Variants in PAG1 observed in about 807,000 individuals in gnomAD.
The protein encoded by PAG1 is phosphoprotein membrane anchor with glycosphingolipid microdomains 1, also known as phosphoprotein associated with glycosphingolipid-enriched microdomains 1.
In PAG1, 23 loss-of-function variants were observed where a neutral mutation model predicts 31.7. The observed-to-expected ratio is 0.73, with a 90% CI of 0.52 to 1.03. PAG1 has a LOEUF of 1.03. PAG1 is among the 50% of genes least tolerant of loss of function. The pLI is 0.00. For missense variants in PAG1, 473 were observed against 540.7 expected (o/e 0.87, Z 1.24); for synonymous variants, 214 against 210.3 (o/e 1.02, Z -0.15).
At chr8:81,080,839 T>C (rs946672934) in intron 1 of PAG1, among the ~76,000 whole-genome samples, 5 of 152,116 alleles carry the variant, frequency 3.3e-5, no homozygotes, top group African/African-American at 1.2e-4. Flanking sequence ...GGGAGTAGGA[T>C]GGGATTTTGA....
chr8:81,041,027 G>A (rs1398144799), intron 2 of PAG1, among the ~76,000 whole-genome samples: 1 of 152,188 alleles, frequency 6.6e-6, no homozygotes, highest in Non-Finnish European at 1.5e-5. Flanking sequence ...ATCTTTGCAT[G>A]GAAAACTGAA....
intron 2 of PAG1, among the ~76,000 whole-genome samples, chr8:81,058,107 T>C (rs1808857460): frequency 6.6e-6 from 1 of 152,144 alleles, no homozygotes; most frequent in African/African-American, 2.4e-5. Flanking sequence ...TTGGTGCATA[T>C]ATAGGAATTG....
intron 2 of PAG1, among the ~76,000 whole-genome samples, chr8:81,033,623 G>T (rs983764427): frequency 1.3e-5 from 2 of 152,156 alleles, no homozygotes; most frequent in Admixed American, 1.3e-4. Flanking sequence ...GTTACATCTG[G>T]CTCTCTGACA....
chr8:80,999,896 G>C (rs181282528), intron 3 of PAG1, among the ~76,000 whole-genome samples: 51 of 152,312 alleles, frequency 3.3e-4, no homozygotes, highest in African/African-American at 1.2e-3. Flanking sequence ...TGAAGAGAGA[G>C]AGACAGAGAG....
intron 1 of PAG1, among the ~76,000 whole-genome samples, chr8:81,104,185 T>C (rs1203031507): frequency 6.6e-6 from 1 of 151,688 alleles, no homozygotes; most frequent in Admixed American, 6.6e-5. Context: ...TGGAAGCAAG[T>C]TAACAGTCAG....
intron 3 of PAG1, among the ~76,000 whole-genome samples, chr8:81,012,641 T>C (rs1182161107): frequency 2.0e-5 from 3 of 152,258 alleles, no homozygotes; most frequent in Non-Finnish European, 4.4e-5. Context: ...TTATGATTTA[T>C]AATTTATAAT....
chr8:81,103,814 T>C (rs902955340), intron 1 of PAG1, among the ~76,000 whole-genome samples: 3 of 152,114 alleles, frequency 2.0e-5, no homozygotes, highest in African/African-American at 7.2e-5. Context: ...TCTCTTTCAG[T>C]GTGTTTATTT....
intron 2 of PAG1, among the ~76,000 whole-genome samples, chr8:81,055,884 A>T (rs1808814368): frequency 6.6e-6 from 1 of 152,210 alleles, no homozygotes; most frequent in African/African-American, 2.4e-5. Flanking sequence ...TTCTAGATAT[A>T]CAATCATGTC....
At chr8:81,038,595 A>G (rs1027493820) in intron 2 of PAG1, among the ~76,000 whole-genome samples, 13 of 152,172 alleles carry the variant, frequency 8.5e-5, no homozygotes, top group African/African-American at 3.1e-4. Context: ...CATATGGGAT[A>G]AAGTAGTTTG....
In PAG1 at chr8:80,974,333, C is replaced by CCAT. The variant is rs1033566028; in HGVS notation, c.*2208_*2210dup. 6.6e-6 allele frequency: 1 copy of CCAT among 151,996 alleles called. No individual in the cohort carries two copies. The highest frequency in any genetic ancestry group is 2.4e-5 in the African/African-American group (1 of 41,366). The allele number at this position is 151,996 out of a possible 1,614,324, so 9.4% of individuals were successfully genotyped here. A position where few individuals can be genotyped will look rare whatever the true frequency, so the allele number is the denominator to read the frequency against. On this transcript the variant is annotated 3_prime_UTR_variant, in exon 9 of 9. Transcript: ENST00000220597. ...GGCTGTTACCATGTACTAAAGAACC[C>CCAT]CATCATGTGAGAGATCGCTCAAAGT... is the stretch of plus-strand genomic sequence containing the variant.
intron 7 of PAG1, among the ~76,000 whole-genome samples, chr8:80,984,424 G>A (rs1318143274): frequency 6.6e-6 from 1 of 152,150 alleles, no homozygotes; most frequent in African/African-American, 2.4e-5. Context: ...CCATGCTGCT[G>A]AGGCAGCCAA....
chr8:81,008,260 T>C (rs900140039), intron 3 of PAG1, among the ~76,000 whole-genome samples: 1 of 152,188 alleles, frequency 6.6e-6, no homozygotes, highest in African/African-American at 2.4e-5. Flanking sequence ...TTCAAAATTC[T>C]ACTTCATTAT....
At chr8:81,041,558 T>C (rs1208398335) in intron 2 of PAG1, among the ~76,000 whole-genome samples, 2 of 152,220 alleles carry the variant, frequency 1.3e-5, no homozygotes, top group Non-Finnish European at 2.9e-5. Flanking sequence ...TTGATGACTT[T>C]GCGGAGGAAA....
chr8:81,084,361 A>G (rs1207348331), intron 1 of PAG1, among the ~76,000 whole-genome samples: 2 of 151,736 alleles, frequency 1.3e-5, no homozygotes, highest in African/African-American at 2.4e-5. Flanking sequence ...GCTGCATCCA[A>G]TAGTAGCAAA....
Position 80,976,913 on chromosome 8 carries a change from G to A in PAG1, c.937-7C>T. On this transcript the variant is annotated splice_region_variant and splice_polypyrimidine_tract_variant and intron_variant, in intron 8 of 8. Coordinates refer to ENST00000220597, the MANE Select transcript of PAG1 (RefSeq NM_018440.4). Reference sequence around the variant, plus strand: ...ATGAGTACATAGCTGAGATCTAGGAGACAAAGGGAGAGTTGAATAAACTTC... The same window carrying A: ...ATGAGTACATAGCTGAGATCTAGGAAACAAAGGGAGAGTTGAATAAACTTC... The A allele has an allele frequency of 1.3e-6, 2 of 1,586,234 alleles. No individual in the cohort carries two copies. Among genetic ancestry groups the A allele is most frequent in the South Asian group, 1.2e-5 (1 of 86,304 alleles).
chr8:80,982,603 C>G (rs901301266), intron 7 of PAG1, among the ~76,000 whole-genome samples: 1 of 152,204 alleles, frequency 6.6e-6, no homozygotes. Flanking sequence ...TTCCTCTTTA[C>G]CCGGCTCATC....
At chr8:80,979,405 G>C (rs925202693) in intron 8 of PAG1, among the ~76,000 whole-genome samples, 1 of 152,162 alleles carries the variant, frequency 6.6e-6, no homozygotes, top group African/African-American at 2.4e-5. Context: ...AAAGAAAACA[G>C]TTTGGAGGTG....
At chr8:81,106,284 G>A (rs1271450085) in intron 1 of PAG1, among the ~76,000 whole-genome samples, 1 of 152,084 alleles carries the variant, frequency 6.6e-6, no homozygotes, top group Non-Finnish European at 1.5e-5. Context: ...GACCTCAAGT[G>A]ATCCACCCTC....
At chr8:81,083,297 AG>A (rs1371148821) in intron 1 of PAG1, among the ~76,000 whole-genome samples, 7 of 152,054 alleles carry the variant, frequency 4.6e-5, no homozygotes, top group African/African-American at 1.4e-4. Context: ...CCAGTTGGAG[AG>A]GAAAAGGGCT....
Sources: gnomAD v4.1 joint callset for allele counts (sites outside exome capture counted in the v4.1 genomes callset) on GRCh38, gnomAD v4.1.1 for gene constraint, MANE v1.5 for transcripts, NCBI Gene and HGNC (gene_info 2026-07-23, HGNC 2026-07-21) for gene names.